GSTCD: variants seen among roughly 807,000 people sequenced by gnomAD.
GSTCD encodes glutathione S-transferase C-terminal domain containing.
GSTCD carries 44 observed loss-of-function variants against 68.3 expected under a neutral mutation model. The observed-to-expected ratio is 0.64, with a 90% CI of 0.51 to 0.83. GSTCD has a LOEUF of 0.83. Among genes scored for constraint, GSTCD ranks in the 40% least tolerant of loss-of-function variants. GSTCD has a pLI of 0.00. For synonymous variants in GSTCD, 273 were observed against 255.2 expected (o/e 1.07, Z -0.67); for missense variants, 739 against 735.9 (o/e 1.00, Z -0.05).
Position 105,845,557 on chromosome 4 carries a change from A to T in GSTCD, c.1882A>T (p.Ile628Phe), listed in dbSNP as rs375257752. 6.2e-7 allele frequency: 1 copy of T among 1,613,940 alleles called. No individual in the cohort carries two copies. Among genetic ancestry groups the T allele is most frequent in the African/African-American group, 1.3e-5 (1 of 74,920 alleles). The change falls in exon 12 of 12, where the codon ATT becomes TTT. Residue 628 changes from isoleucine (I) to phenylalanine (F), a missense_variant. By Grantham distance (21) the Ile-to-Phe change is conservative (BLOSUM62 0). Transcript: ENST00000515279. ...PESCSPKNNM[I>F]VGVPI ...GAGCTGCTCTCCCAAAAATAACATG[A>T]TTGTGGGAGTCCCCATTTAAAATGA...
At chr4:105,789,576 G>C (rs1156855152) in intron 5 of GSTCD, among the ~76,000 whole-genome samples, 2 of 152,064 alleles carry the variant, frequency 1.3e-5, no homozygotes, top group African/African-American at 4.8e-5. Flanking sequence ...GCAGCTGAGA[G>C]CATCGCAGTT....
chr4:105,781,311 C>T (rs1458601685), intron 5 of GSTCD, among the ~76,000 whole-genome samples: 2 of 151,954 alleles, frequency 1.3e-5, no homozygotes, highest in Admixed American at 1.3e-4. Flanking sequence ...TGCAGTGGCA[C>T]AATTATAGCT....
chr4:105,763,576 G>T (rs1734494474), intron 5 of GSTCD, among the ~76,000 whole-genome samples: 1 of 152,100 alleles, frequency 6.6e-6, no homozygotes, highest in Non-Finnish European at 1.5e-5. Context: ...ACACTATGCT[G>T]CCCTTATGTG....
intron 4 of GSTCD, 109 bp downstream of exon 4, chr4:105,726,939 T>C (rs1011312408): frequency 1.1e-5 from 10 of 897,030 alleles, no homozygotes; most frequent in Admixed American, 5.7e-5. Flanking sequence ...ATAAATTTTA[T>C]TTGTAGCTTT....
At chr4:105,727,690 CA>C (rs565298989) in intron 4 of GSTCD, among the ~76,000 whole-genome samples, 465 of 134,956 alleles carry the variant, frequency 3.4e-3, no homozygotes, top group African/African-American at 5.9e-3. Flanking sequence ...AACCCTGTTT[CA>C]AAAAAAAAAA....
chr4:105,814,127 T>C (rs1722869523), intron 5 of GSTCD, among the ~76,000 whole-genome samples: 2 of 152,188 alleles, frequency 1.3e-5, no homozygotes, highest in African/African-American at 4.8e-5. Flanking sequence ...CCTAAACCAG[T>C]ATACCTATTT....
chr4:105,745,616 T>C (rs11722731), intron 5 of GSTCD, among the ~76,000 whole-genome samples: 18 of 152,036 alleles, frequency 1.2e-4, no homozygotes, highest in African/African-American at 4.4e-4. Context: ...GAGGGTTATG[T>C]TCTTTTGCCT....
intron 5 of GSTCD, 48 bp from the exon 6 acceptor site, chr4:105,822,906 C>T: frequency 7.1e-7 from 1 of 1,402,628 alleles, no homozygotes; most frequent in Non-Finnish European, 1.0e-6. Context: ...CTTCTTGTTC[C>T]CTCAAAATAT....
Position 105,717,625 on chromosome 4 carries a change from A to G in GSTCD, c.12A>G (p.Ile4Met). ...AATGAAAGAAGAAAATGAAAGCCAT[A>G]AAGAAAAGTCTTACAGAAGAAGAAT... The part of the protein sequence containing the change: MKA[I>M]KKSLTEEEYL... Residue 4 changes from isoleucine (I) to methionine (M), a missense_variant, in exon 2 of 12, where the codon ATA (isoleucine) becomes ATG (methionine). Transcript: ENST00000515279. 1 of 1,559,262 alleles carries G rather than the reference A, an allele frequency of 6.4e-7. No homozygotes were observed. Among genetic ancestry groups the G allele is most frequent in the South Asian group, 1.3e-5 (1 of 79,902 alleles).
intron 11 of GSTCD, among the ~76,000 whole-genome samples, chr4:105,844,153 T>C (rs1724463939): frequency 6.6e-6 from 1 of 152,140 alleles, no homozygotes; most frequent in Non-Finnish European, 1.5e-5. Context: ...ATGTAAACCC[T>C]GGGTGGGTAC....
At chr4:105,729,679 T>C (rs1733164159) in intron 5 of GSTCD, among the ~76,000 whole-genome samples, 180 bp downstream of exon 5, 1 of 152,154 alleles carries the variant, frequency 6.6e-6, no homozygotes, top group Non-Finnish European at 1.5e-5. Flanking sequence ...GATTTAATAT[T>C]TCTCACATTT....
In GSTCD at chr4:105,788,259, C is replaced by T. The variant is rs150305126; in HGVS notation, c.1241-34695C>T. On this transcript the variant is annotated intron_variant, in intron 5 of 11. Coordinates refer to ENST00000515279, the MANE Select transcript of GSTCD (RefSeq NM_001370181.1). ...TAGAAGTTATATTTCCTACATTTTC[C>T]ATTAGATTCATAGAGTTTTATAATT... Among the ~76,000 whole-genome samples, 42 of 152,024 alleles carry T rather than the reference C, an allele frequency of 2.8e-4. No homozygotes were observed. In the East Asian group the frequency reaches 7.7e-3, roughly 28 times the overall value.
At chr4:105,744,934 A>G (rs1465546347) in intron 5 of GSTCD, among the ~76,000 whole-genome samples, 1 of 152,200 alleles carries the variant, frequency 6.6e-6, no homozygotes, top group Non-Finnish European at 1.5e-5. Context: ...ACAAACACAT[A>G]TACAACTATA....
In GSTCD at chr4:105,823,070, G is replaced by T; in HGVS notation, c.1356+1G>T. On this transcript the variant is annotated splice_donor_variant, in intron 6 of 11. Transcript: ENST00000515279. LOFTEE classifies it high-confidence loss of function. ...AATTGTGGATTTCTGCAGCGGTGGG[G>T]TATTTTATCTCTCCTTTCATCCTTT... The T allele has an allele frequency of 1.2e-6, 2 of 1,607,702 alleles. No homozygotes were observed. The highest frequency in any genetic ancestry group is 1.1e-5 in the South Asian group (1 of 90,942).
chr4:105,817,232 T>C (rs1265575393), intron 5 of GSTCD, among the ~76,000 whole-genome samples: 1 of 151,930 alleles, frequency 6.6e-6, no homozygotes, highest in Non-Finnish European at 1.5e-5. Flanking sequence ...AACAGTTCTA[T>C]ATAGGCCAAG....
intron 3 of GSTCD, among the ~76,000 whole-genome samples, chr4:105,723,695 A>G (rs1396247366): frequency 2.0e-5 from 3 of 151,756 alleles, no homozygotes; most frequent in Admixed American, 2.0e-4. Flanking sequence ...ATAGAAATAA[A>G]TGTATATCTT....
intron 5 of GSTCD, among the ~76,000 whole-genome samples, chr4:105,756,585 T>C (rs1386954510): frequency 7.2e-6 from 1 of 138,304 alleles, no homozygotes; most frequent in Non-Finnish European, 1.5e-5. Flanking sequence ...TGTGTGTATA[T>C]ATATATATAT....
At chr4:105,726,433 T>C (rs1441658804) in intron 3 of GSTCD, 146 bp from the exon 4 acceptor site, 2 of 570,482 alleles carry the variant, frequency 3.5e-6, no homozygotes, top group Non-Finnish European at 3.0e-6. Flanking sequence ...TAAAACTAGA[T>C]GGTTGATAAC....
intron 5 of GSTCD, among the ~76,000 whole-genome samples, chr4:105,782,980 A>T (rs964178905): frequency 6.6e-6 from 1 of 152,208 alleles, no homozygotes. Context: ...GTAATGTCAA[A>T]GTCATCTCAT....
Sources: gnomAD v4.1 joint callset for allele counts (sites outside exome capture counted in the v4.1 genomes callset) on GRCh38, gnomAD v4.1.1 for gene constraint, MANE v1.5 for transcripts, NCBI Gene and HGNC (gene_info 2026-07-23, HGNC 2026-07-21) for gene names.